Variants in C11orf21 observed in about 807,000 individuals in gnomAD.
C11orf21 encodes the protein chromosome 11 open reading frame 21.
In C11orf21, 19 loss-of-function variants were observed where a neutral mutation model predicts 15.2. That is an observed-to-expected ratio of 1.25 (90% confidence interval 0.87 to 1.84). The LOEUF is 1.84. C11orf21 is among the 40% of genes most tolerant of loss of function. The probability of loss-of-function intolerance (pLI) is 0.00; values close to 1 mark genes in which losing one functional copy is unlikely to be tolerated. For synonymous variants in C11orf21, 62 were observed against 66.8 expected, an observed-to-expected ratio of 0.93 and a Z score of 0.35; for missense variants, 171 against 174.4, an observed-to-expected ratio of 0.98 and a Z score of 0.11.
At chr11:2,301,456 A>C in intron 1 of C11orf21, 3 of 314,568 alleles carry the variant, frequency 9.5e-6, no homozygotes, top group East Asian at 5.7e-5. Flanking sequence ...GCTCGGTGTA[A>C]TTGCAAATTC....
intron 3 of C11orf21, among the ~76,000 whole-genome samples, chr11:2,298,809 C>T (rs954791203): frequency 6.6e-5 from 10 of 152,178 alleles, no homozygotes; most frequent in Non-Finnish European, 1.2e-4. Context: ...CTTTAGACTC[C>T]CCTGGGAGAC....
chr11:2,303,132 C>G, upstream of C11orf21: 2 of 602,102 alleles, frequency 3.3e-6, no homozygotes, highest in Non-Finnish European at 5.8e-6. Context: ...TGGGCAGGGC[C>G]TCGGGTCTGG....
upstream of C11orf21, chr11:2,302,871 G>T (rs780470109): frequency 1.2e-6 from 2 of 1,613,670 alleles, no homozygotes; most frequent in South Asian, 2.2e-5. Flanking sequence ...GGCCACCATG[G>T]TGACTCTTAC....
chr11:2,301,156 C>T (rs1847721629), intron 1 of C11orf21: 1 of 259,724 alleles, frequency 3.9e-6, no homozygotes, highest in Non-Finnish European at 7.5e-6. Context: ...CCTGAGCGGG[C>T]GGCAGCTGGG....
chr11:2,299,603 C>A lies in C11orf21; in HGVS notation c.252G>T (p.Leu84=), dbSNP rs898662921. 1.3e-6 allele frequency: 2 copies of A among 1,551,028 alleles called. No individual in the cohort carries two copies. The highest frequency in any genetic ancestry group is 2.0e-5 in the Admixed American group (1 of 50,988). Residue 84 remains leucine (L), a synonymous_variant, in exon 3 of 4, where the codon CTG becomes CTT. Coordinates refer to ENST00000381153, the MANE Select transcript of C11orf21 (RefSeq NM_001329958.2). ...TAHEPVDHPA[L]HWLACCCCLS... is the part of the protein sequence containing the mutation. ...GACAGCAGCAGCAGGCAAGCCAGTG[C>A]AGAGCTGGGTGATCCACAGGTTCAT...
At chr11:2,302,633 TA>T (rs1847823247), upstream of C11orf21, 2 of 587,866 alleles carry the variant, frequency 3.4e-6, no homozygotes, top group East Asian at 5.7e-5. Context: ...TGTATGCGTC[TA>T]CCATGTGGGG....
In C11orf21 at chr11:2,299,373, G is replaced by A. The variant is rs1847615521; in HGVS notation, c.*28+55C>T. 3.7e-5 allele frequency: 56 copies of A among 1,497,906 alleles called. 1 individual carries two copies. The South Asian group carries it at 5.0e-4, about 13-fold the overall frequency. 92.8% of individuals were successfully genotyped at this position (1,497,906 alleles called of 1,614,324 possible). On this transcript the variant is annotated intron_variant, in intron 3 of 3. Coordinates refer to ENST00000381153, the MANE Select transcript of C11orf21 (RefSeq NM_001329958.2). ...GTGCCTCCCCGGTGGGAGGGGCCGC[G>A]CTCACAGACAGCACAGGGGCCCCCA...
In C11orf21 at chr11:2,299,620, C is replaced by T; in HGVS notation, c.235G>A (p.Val79Met). Residue 79 changes from valine to methionine, a missense_variant, in exon 3 of 4, where the codon GTG becomes ATG. Coordinates refer to ENST00000381153, the MANE Select transcript of C11orf21 (RefSeq NM_001329958.2). Reference sequence around the variant, plus strand: ...AGCCAGTGCAGAGCTGGGTGATCCACAGGTTCATGAGCGGTGGCAGGTGGA... The same window carrying T: ...AGCCAGTGCAGAGCTGGGTGATCCATAGGTTCATGAGCGGTGGCAGGTGGA... The part of the protein sequence containing the change: ...LVPPATAHEP[V>M]DHPALHWLAC... The T allele has an allele frequency of 6.4e-7, 1 of 1,551,152 alleles. No individual in the cohort carries two copies. Among genetic ancestry groups the T allele is most frequent in the Non-Finnish European group, 8.7e-7 (1 of 1,146,962 alleles).
In C11orf21 at chr11:2,300,460, G is replaced by A. The variant is rs543295445; in HGVS notation, c.147+60C>T. ...GGGTGTGGCTCAGCAAAGGGCGTGG[G>A]GGTTCCACCGGCTCCCTGCCCCCGC... On this transcript the variant is annotated intron_variant, in intron 2 of 3. Coordinates refer to ENST00000381153, the MANE Select transcript of C11orf21 (RefSeq NM_001329958.2). The A allele has an allele frequency of 8.9e-5, 95 of 1,070,654 alleles. No individual in the cohort carries two copies. In the East Asian group the frequency reaches 2.5e-3, roughly 28 times the overall value. The allele number at this position is 1,070,654 out of a possible 1,614,324, so 66.3% of individuals were successfully genotyped here.
At position 2,301,849 on chromosome 11, in the gene C11orf21, A is replaced by C. The variant is rs1424196058; in HGVS notation, c.-41T>G. On this transcript the variant is annotated 5_prime_UTR_variant, in exon 1 of 4. Transcript: ENST00000381153. Reference sequence around the variant, plus strand: ...AGCGCCGTCCTCAGTGGCCACACCAAGAACGAGGCCATGTCTTCCTGGGAA... The same window carrying C: ...AGCGCCGTCCTCAGTGGCCACACCACGAACGAGGCCATGTCTTCCTGGGAA... 17 of 1,550,614 alleles carry C rather than the reference A, an allele frequency of 1.1e-5. No individual in the cohort carries two copies. The Middle Eastern group carries it at 6.7e-4, about 61-fold the overall frequency.
chr11:2,302,621 C>T (rs921894726), upstream of C11orf21: 17 of 576,648 alleles, frequency 2.9e-5, no homozygotes, highest in Middle Eastern at 9.1e-4. Flanking sequence ...CTGGGCTGTG[C>T]GTGTATGCGT....
chr11:2,300,561 CAG>C lies in C11orf21; in HGVS notation c.104_105del (p.Pro35ArgfsTer42). ...CAGCCGGGGGTTCCCGTCCACCTGT[CAG>C]GGGGTTCGACGCCACTTTGAGATGA... ...HLSSQSGVEP[P>X]DRWTGTPGWP... is the part of the protein sequence containing the mutation. On this transcript the variant is annotated frameshift_variant, in exon 2 of 4. Transcript: ENST00000381153. LOFTEE classifies it high-confidence loss of function. 1 of 1,549,690 alleles carries C rather than the reference CAG, an allele frequency of 6.5e-7. No homozygotes were observed. The highest frequency in any genetic ancestry group is 1.4e-5 in the African/African-American group (1 of 73,046).
upstream of C11orf21, chr11:2,303,078 G>C (rs550794098): frequency 1.1e-5 from 10 of 917,716 alleles, no homozygotes; most frequent in South Asian, 1.5e-4. Flanking sequence ...GGAGCCAGAG[G>C]TGGTCAGGGG....
chr11:2,301,614 A>C, intron 1 of C11orf21, 142 bp downstream of exon 1: 1 of 693,008 alleles, frequency 1.4e-6, no homozygotes, highest in Non-Finnish European at 2.3e-6. Context: ...TCAAAACTTA[A>C]GCTGTCACAG....
At chr11:2,299,829 TCTGCACACGCATCCACGC>T (rs1554936612) in intron 2 of C11orf21, 122 bp from the exon 3 acceptor site, 4 of 614,400 alleles carry the variant, frequency 6.5e-6, no homozygotes, top group Admixed American at 6.7e-5. Context: ...CACATCCACG[TCTGCACACGCATCCACGC>T]CTGCACACGC....
upstream of C11orf21, chr11:2,302,815 C>T (rs773184258): frequency 1.3e-6 from 2 of 1,595,820 alleles, no homozygotes; most frequent in Middle Eastern, 1.7e-4. Flanking sequence ...AGTCCCATGC[C>T]CCACACTCTG....
rs1845926867 is a variant in C11orf21, at chr11:2,296,723, T to C, written c.*1227A>G. 6.6e-6 allele frequency: 1 copy of C among 152,250 alleles called. No homozygotes were observed. Among genetic ancestry groups the C allele is most frequent in the African/African-American group, 2.4e-5 (1 of 41,446 alleles). The allele number at this position is 152,250 out of a possible 1,614,324, so 9.4% of individuals were successfully genotyped here. On this transcript the variant is annotated 3_prime_UTR_variant, in exon 4 of 4. Coordinates refer to ENST00000381153, the MANE Select transcript of C11orf21 (RefSeq NM_001329958.2). The surrounding 1 kb of genome is among the most constrained non-coding windows in gnomAD (Gnocchi z 5.6). The stretch of plus-strand genomic sequence containing the variant: ...CACCGGCCAAGGCCACAGGGCTCCA[T>C]GGGCTGGACTGTTCCAATCACTGCC...
rs1847564692 is a variant in C11orf21, at chr11:2,297,833, A to G, written c.*117T>C. The G allele has an allele frequency of 6.6e-6, 1 of 152,196 alleles. No individual in the cohort carries two copies. Among genetic ancestry groups the G allele is most frequent in the Non-Finnish European group, 1.5e-5 (1 of 68,058 alleles). The allele number at this position is 152,196 out of a possible 1,614,324, so 9.4% of individuals were successfully genotyped here. On this transcript the variant is annotated 3_prime_UTR_variant, in exon 4 of 4. Transcript: ENST00000381153. ...CAGTTCTGGAGGCTGGAAGTCCAAT[A>G]TCAAGGTGCTGCTGATTCCAGTCTT...
intron 2 of C11orf21, among the ~76,000 whole-genome samples, 156 bp from the exon 3 acceptor site, chr11:2,299,863 T>C (rs2521268): frequency 0.62 from 87,918 of 141,494 alleles, 27,258 homozygotes; most frequent in African/African-American, 0.81. Context: ...CACGCATCCA[T>C]GCCTGCACAT....
Sources: gnomAD v4.1 joint callset for allele counts (sites outside exome capture counted in the v4.1 genomes callset) on GRCh38, gnomAD v4.1.1 for gene constraint, Gnocchi (gnomAD v3.1) non-coding constraint, MANE v1.5 for transcripts, NCBI Gene and HGNC (gene_info 2026-07-23, HGNC 2026-07-21) for gene names.